Variants in CERS6 observed in about 807,000 individuals in gnomAD.
CERS6 encodes the protein ceramide synthase 6, also known as LAG1 homolog, ceramide synthase 6.
CERS6 carries 26 observed loss-of-function variants against 56.8 expected under a neutral mutation model. The observed-to-expected ratio is 0.46, with a 90% confidence interval of 0.34 to 0.63. The LOEUF is 0.63. CERS6 is among the 30% of genes least tolerant of loss of function. The pLI is 0.01. For synonymous variants in CERS6, 164 were observed against 173.3 expected, an observed-to-expected ratio of 0.95 and a Z score of 0.42; for missense variants, 415 against 467.5, an observed-to-expected ratio of 0.89 and a Z score of 1.04.
intron 1 of CERS6, among the ~76,000 whole-genome samples, chr2:168,477,439 C>T (rs1214860688): frequency 2.0e-5 from 3 of 152,058 alleles, no homozygotes; most frequent in Non-Finnish European, 4.4e-5. Flanking sequence ...TCTTGAACAT[C>T]TTTTTATGGA....
chr2:168,540,260 A>G (rs1574052701), intron 1 of CERS6, among the ~76,000 whole-genome samples: 1 of 152,008 alleles, frequency 6.6e-6, no homozygotes, highest in African/African-American at 2.4e-5. Context: ...TAGTGGTCCT[A>G]TAAGATTATG....
At chr2:168,637,611 A>G (rs562284948) in intron 4 of CERS6, among the ~76,000 whole-genome samples, 1 of 152,372 alleles carries the variant, frequency 6.6e-6, no homozygotes, top group South Asian at 2.1e-4. Context: ...ATACACATAC[A>G]TAACATAGCA....
intron 1 of CERS6, among the ~76,000 whole-genome samples, chr2:168,478,353 G>T (rs1251696148): frequency 6.6e-6 from 1 of 152,142 alleles, no homozygotes. Flanking sequence ...GCTGGGGAGA[G>T]CAGTCACCTG....
intron 4 of CERS6, among the ~76,000 whole-genome samples, chr2:168,659,979 A>T (rs1685586811): frequency 6.6e-6 from 1 of 152,240 alleles, no homozygotes; most frequent in African/African-American, 2.4e-5. Flanking sequence ...AGAGGAGAAA[A>T]TTCAAATGGA....
chr2:168,523,825 G>A lies in CERS6; in HGVS notation c.171-23771G>A, dbSNP rs1574041679. Among the ~76,000 whole-genome samples the A allele has an allele frequency of 2.0e-5, 3 of 152,166 alleles. No homozygotes were observed. In the East Asian group the frequency reaches 5.8e-4, roughly 29 times the overall value. On this transcript the variant is annotated intron_variant, in intron 1 of 9. Coordinates refer to ENST00000305747, the MANE Select transcript of CERS6 (RefSeq NM_203463.3). ...ACCTCTGCAAAGACTGAAGCCCTGG[G>A]TTTGTATAGCAGGTGTCCTAGGAGA...
intron 6 of CERS6, among the ~76,000 whole-genome samples, chr2:168,709,889 G>A (rs1489603777): frequency 1.3e-5 from 2 of 152,112 alleles, no homozygotes; most frequent in Non-Finnish European, 2.9e-5. Context: ...TGGGTAAGGA[G>A]GATGTTAGTA....
chr2:168,657,755 G>T (rs1156755144), intron 4 of CERS6, among the ~76,000 whole-genome samples: 3 of 152,200 alleles, frequency 2.0e-5, no homozygotes, highest in Non-Finnish European at 2.9e-5. Context: ...CCAAGCCCAC[G>T]CCCACCCGGA....
At chr2:168,686,537 A>T (rs1417394503) in intron 4 of CERS6, among the ~76,000 whole-genome samples, 1 of 151,850 alleles carries the variant, frequency 6.6e-6, no homozygotes, top group Non-Finnish European at 1.5e-5. Flanking sequence ...AGAACTGGTT[A>T]CCCATCTGGA....
intron 6 of CERS6, among the ~76,000 whole-genome samples, chr2:168,713,744 G>A (rs1687155400): frequency 6.6e-6 from 1 of 152,028 alleles, no homozygotes; most frequent in Non-Finnish European, 1.5e-5. Flanking sequence ...TAACAAGCAT[G>A]CATATGTACC....
intron 4 of CERS6, among the ~76,000 whole-genome samples, chr2:168,633,317 G>A (rs148326822): frequency 4.6e-5 from 7 of 152,220 alleles, no homozygotes; most frequent in Non-Finnish European, 1.0e-4. Flanking sequence ...CTCATAATGC[G>A]AAGTAGAAAT....
At chr2:168,598,734 T>G (rs1683863332) in intron 3 of CERS6, among the ~76,000 whole-genome samples, 1 of 152,234 alleles carries the variant, frequency 6.6e-6, no homozygotes, top group African/African-American at 2.4e-5. Context: ...TATAGAGCTA[T>G]CCCTTAATCT....
Position 168,511,959 on chromosome 2 carries a change from C to T in CERS6, c.171-35637C>T, listed in dbSNP as rs1335543386. On this transcript the variant is annotated intron_variant, in intron 1 of 9. Transcript: ENST00000305747. ...ATGTGTGCATGCACGTGCACACACA[C>T]ACACACACACACACACACACAGGAA... is the stretch of plus-strand genomic sequence containing the variant. 7.9e-5 allele frequency among the ~76,000 whole-genome samples: 12 copies of T among 151,892 alleles called. No homozygotes were observed. The East Asian group carries it at 1.4e-3, about 17-fold the overall frequency.
At chr2:168,642,526 G>A (rs1685074554) in intron 4 of CERS6, among the ~76,000 whole-genome samples, 1 of 152,194 alleles carries the variant, frequency 6.6e-6, no homozygotes, top group Non-Finnish European at 1.5e-5. Context: ...TCACTAAGAA[G>A]TGAGTGAAGG....
intron 1 of CERS6, among the ~76,000 whole-genome samples, chr2:168,469,053 AAAG>A (rs1177543111): frequency 7.9e-5 from 12 of 152,368 alleles, no homozygotes; most frequent in African/African-American, 2.2e-4. Context: ...CCTTAAGAAA[AAAG>A]AAATTCAGTC....
At chr2:168,470,078 T>C (rs1693948859) in intron 1 of CERS6, among the ~76,000 whole-genome samples, 3 of 152,066 alleles carry the variant, frequency 2.0e-5, no homozygotes, top group Admixed American at 1.3e-4. Context: ...TCTACCTGAC[T>C]GCTCAGCCTA....
At chr2:168,568,386 G>T (rs895270669) in intron 3 of CERS6, among the ~76,000 whole-genome samples, 12 of 152,160 alleles carry the variant, frequency 7.9e-5, no homozygotes, top group African/African-American at 2.9e-4. Context: ...ACTATTTCTT[G>T]TTGTTGCTTA....
At chr2:168,591,597 T>A (rs936807137) in intron 3 of CERS6, among the ~76,000 whole-genome samples, 2 of 152,254 alleles carry the variant, frequency 1.3e-5, no homozygotes, top group South Asian at 2.1e-4. Flanking sequence ...AGAAAATGTG[T>A]TGTTTTTCAT....
At chr2:168,464,173 T>TG (rs765144889) in intron 1 of CERS6, among the ~76,000 whole-genome samples, 9,960 of 122,344 alleles carry the variant, frequency 0.081, 395 homozygotes, top group East Asian at 0.19. Flanking sequence ...ATTTATACTT[T>TG]TTGTGTGTGT....
At chr2:168,517,612 C>G (rs968234780) in intron 1 of CERS6, among the ~76,000 whole-genome samples, 2 of 151,890 alleles carry the variant, frequency 1.3e-5, no homozygotes, top group Non-Finnish European at 2.9e-5. Flanking sequence ...TTTAAAAGGG[C>G]TATTGAAGCC....
Sources: gnomAD v4.1 joint callset for allele counts (sites outside exome capture counted in the v4.1 genomes callset) on GRCh38, gnomAD v4.1.1 for gene constraint, MANE v1.5 for transcripts, NCBI Gene and HGNC (gene_info 2026-07-23, HGNC 2026-07-21) for gene names.